ZDHHC2: variants seen among roughly 807,000 people sequenced by gnomAD.
The protein encoded by ZDHHC2 is palmitoyltransferase ZDHHC2.
Under a neutral mutation model 55.6 loss-of-function variants are expected in ZDHHC2, and 51 were observed. The ratio of observed to expected loss-of-function variants is 0.92; its 90% confidence interval spans 0.73 to 1.16. The LOEUF is 1.16. Among genes scored for constraint, ZDHHC2 ranks in the 50% most tolerant of loss-of-function variants. The pLI is 0.00. For synonymous variants in ZDHHC2, 199 were observed against 152.9 expected, an observed-to-expected ratio of 1.30 and a Z score of -2.22; for missense variants, 491 against 442.4, an observed-to-expected ratio of 1.11 and a Z score of -0.99.
intron 1 of ZDHHC2, among the ~76,000 whole-genome samples, chr8:17,162,210 C>G (rs1231994148): frequency 6.6e-6 from 1 of 152,058 alleles, no homozygotes; most frequent in African/African-American, 2.4e-5. Flanking sequence ...GCTATTAAAC[C>G]CTATTAGAGA....
At chr8:17,211,628 A>T (rs538355913) in intron 10 of ZDHHC2, among the ~76,000 whole-genome samples, 1 of 152,260 alleles carries the variant, frequency 6.6e-6, no homozygotes, top group African/African-American at 2.4e-5. Flanking sequence ...ATTGGGAATT[A>T]AATGTAAAAG....
intron 6 of ZDHHC2, among the ~76,000 whole-genome samples, chr8:17,201,515 T>C (rs1455972343): frequency 2.7e-5 from 3 of 111,032 alleles, no homozygotes; most frequent in African/African-American, 3.6e-5. Context: ...TTTTTTTAGA[T>C]GGAGTCTAGC....
intron 1 of ZDHHC2, among the ~76,000 whole-genome samples, chr8:17,159,342 T>C (rs767875992): frequency 6.6e-6 from 1 of 151,980 alleles, no homozygotes; most frequent in Admixed American, 6.6e-5. Context: ...GGGACCAGAG[T>C]GTGGGGGTCG....
intron 3 of ZDHHC2, among the ~76,000 whole-genome samples, chr8:17,192,037 G>A (rs151041880): frequency 1.8e-4 from 27 of 152,268 alleles, no homozygotes; most frequent in African/African-American, 6.3e-4. Context: ...AGGCTGGTGT[G>A]CAGTGCTGCA....
At chr8:17,192,326 C>T (rs1376665191) in intron 3 of ZDHHC2, among the ~76,000 whole-genome samples, 8 of 152,088 alleles carry the variant, frequency 5.3e-5, no homozygotes, top group African/African-American at 1.2e-4. Context: ...AACTGGGGTA[C>T]GATGATAACT....
At chr8:17,159,634 A>G (rs185019122) in intron 1 of ZDHHC2, among the ~76,000 whole-genome samples, 418 of 152,248 alleles carry the variant, frequency 2.7e-3, no homozygotes, top group Non-Finnish European at 4.4e-3. Context: ...TAGTGTTTGT[A>G]TTTTATAAAA....
At chr8:17,167,592 G>A (rs1306831250) in intron 1 of ZDHHC2, among the ~76,000 whole-genome samples, 1 of 151,868 alleles carries the variant, frequency 6.6e-6, no homozygotes, top group Non-Finnish European at 1.5e-5. Context: ...CACCACGCCC[G>A]GCCACAAGCT....
intron 6 of ZDHHC2, among the ~76,000 whole-genome samples, chr8:17,199,520 CGTCTTCGTCTTCTGTCTTCGTCTTCT>C (rs1400937060): frequency 5.0e-5 from 2 of 39,852 alleles, no homozygotes; most frequent in African/African-American, 1.2e-4. Context: ...TCTTCGTCTT[CGTCTTCGTCTTCTGTCTTCGTCTTCT>C]GTCTTCGTCT....
chr8:17,157,870 T>C (rs1412968772), intron 1 of ZDHHC2, among the ~76,000 whole-genome samples: 1 of 152,204 alleles, frequency 6.6e-6, no homozygotes, highest in Non-Finnish European at 1.5e-5. Context: ...GCCTATTATA[T>C]TGAGCCTTCA....
rs367778155 is a variant in ZDHHC2 at position 17,197,588 on chromosome 8, G to A, written c.380G>A (p.Arg127Gln). 18 of 1,613,330 alleles carry A rather than the reference G, an allele frequency of 1.1e-5. No individual in the cohort carries two copies. The highest frequency in any genetic ancestry group is 2.7e-5 in the African/African-American group (2 of 74,882). ...TGGAGCTTTTTGTCCCTAGCCATCC[G>A]ATACTGTGACAGATGCCAACTTATA... is the stretch of plus-strand genomic sequence containing the variant. Reference protein sequence around the residue: ...IYTRTMSGAIRYCDRCQLIKP... With the variant: ...IYTRTMSGAIQYCDRCQLIKP... The change falls in exon 5 of 13, where the codon CGA becomes CAA. Residue 127 changes from arginine to glutamine, a missense_variant. Coordinates refer to ENST00000262096, the MANE Select transcript of ZDHHC2 (RefSeq NM_016353.5).
chr8:17,161,125 A>G (rs1282613993), intron 1 of ZDHHC2, among the ~76,000 whole-genome samples: 1 of 152,222 alleles, frequency 6.6e-6, no homozygotes, highest in Non-Finnish European at 1.5e-5. Flanking sequence ...CAAAATACAC[A>G]AAGCCTCCTA....
chr8:17,213,257 CT>C (rs1482564969), intron 10 of ZDHHC2, among the ~76,000 whole-genome samples: 2 of 148,592 alleles, frequency 1.3e-5, no homozygotes, highest in African/African-American at 2.5e-5. Flanking sequence ...TTTTTTTTTT[CT>C]TTTTTTTTCT....
chr8:17,204,175 A>G (rs556611599), intron 6 of ZDHHC2, among the ~76,000 whole-genome samples: 6 of 152,322 alleles, frequency 3.9e-5, no homozygotes, highest in African/African-American at 1.4e-4. Context: ...ACTAAATCTA[A>G]TGCTATTCCC....
intron 12 of ZDHHC2, among the ~76,000 whole-genome samples, chr8:17,218,851 T>A (rs969289801): frequency 4.2e-4 from 64 of 152,218 alleles, no homozygotes; most frequent in Non-Finnish European, 6.6e-4. Flanking sequence ...GAAACTAGAC[T>A]TTTAAAAATA....
chr8:17,199,543 TTC>T (rs1806564486), intron 6 of ZDHHC2, among the ~76,000 whole-genome samples: 1 of 37,608 alleles, frequency 2.7e-5, no homozygotes, highest in African/African-American at 9.5e-5. Context: ...TGTCTTCGTC[TTC>T]TGTCTTCGTC....
intron 3 of ZDHHC2, among the ~76,000 whole-genome samples, chr8:17,189,508 A>G (rs1019809238): frequency 2.6e-5 from 4 of 152,242 alleles, no homozygotes; most frequent in African/African-American, 9.6e-5. Flanking sequence ...CTCAAGAGAT[A>G]CTTTTTAAGT....
At chr8:17,210,761 GA>G (rs984105272) in intron 10 of ZDHHC2, among the ~76,000 whole-genome samples, 5 of 151,192 alleles carry the variant, frequency 3.3e-5, no homozygotes, top group South Asian at 4.2e-4. Context: ...GTGCTTAAAA[GA>G]AAAAAAAATG....
At chr8:17,217,391 A>G (rs1294891904) in intron 12 of ZDHHC2, 145 bp downstream of exon 12, 2 of 608,556 alleles carry the variant, frequency 3.3e-6, no homozygotes, top group Non-Finnish European at 5.6e-6. Flanking sequence ...TGCATTAGCC[A>G]TGCTGGGGCT....
chr8:17,205,514 T>G (rs1394844150), intron 6 of ZDHHC2, 141 bp from the exon 7 acceptor site: 2 of 922,748 alleles, frequency 2.2e-6, no homozygotes, highest in Non-Finnish European at 3.1e-6. Flanking sequence ...CATGATTGTA[T>G]GCATAAAGAA....
Sources: allele counts gnomAD v4.1 joint callset (sites outside exome capture counted in the v4.1 genomes callset), GRCh38; gene constraint gnomAD v4.1.1; transcripts MANE v1.5; gene names NCBI Gene and HGNC (gene_info 2026-07-23, HGNC 2026-07-21).